Variants in FCHSD2 observed in about 807,000 individuals in gnomAD.
FCHSD2 encodes F-BAR and double SH3 domains protein 2.
A neutral mutation model predicts 108.1 loss-of-function variants in FCHSD2; 38 were observed. The ratio of observed to expected loss-of-function variants is 0.35; its 90% CI spans 0.27 to 0.46. The LOEUF (loss-of-function observed/expected upper bound fraction) is 0.46, where lower values mean the gene tolerates loss of function less well. FCHSD2 is among the 20% of genes least tolerant of loss of function. The pLI is 1.00. For synonymous variants in FCHSD2, 279 were observed against 314.7 expected, an observed-to-expected ratio of 0.89 and a Z score of 1.20; for missense variants, 751 against 897.8, an observed-to-expected ratio of 0.84 and a Z score of 2.09.
intron 8 of FCHSD2, among the ~76,000 whole-genome samples, chr11:72,960,425 T>G (rs940877518): frequency 6.6e-6 from 1 of 152,150 alleles, no homozygotes; most frequent in Non-Finnish European, 1.5e-5. Flanking sequence ...TCCTTTGGAT[T>G]TAAATGGATT....
chr11:72,969,913 AG>A (rs1856978224), intron 8 of FCHSD2, among the ~76,000 whole-genome samples: 1 of 152,216 alleles, frequency 6.6e-6, no homozygotes, highest in South Asian at 2.1e-4. Flanking sequence ...TTACAGGAAT[AG>A]GGGACTGGGC....
chr11:72,961,199 G>C (rs1856812498), intron 8 of FCHSD2, among the ~76,000 whole-genome samples: 1 of 151,950 alleles, frequency 6.6e-6, no homozygotes, highest in Non-Finnish European at 1.5e-5. Flanking sequence ...GGTGTTTCTA[G>C]GTCATTTTGA....
chr11:72,971,123 A>G (rs1355896529), intron 8 of FCHSD2, among the ~76,000 whole-genome samples: 5 of 152,224 alleles, frequency 3.3e-5, no homozygotes, highest in Non-Finnish European at 7.3e-5. Context: ...TAAGCCACTG[A>G]GCCTTACAGT....
intron 12 of FCHSD2, among the ~76,000 whole-genome samples, chr11:72,871,281 A>G (rs1186475081): frequency 1.3e-5 from 2 of 152,156 alleles, no homozygotes; most frequent in Admixed American, 6.5e-5. Context: ...CCCCTTAAAC[A>G]TTCCTAGTTT....
Position 72,902,514 on chromosome 11 carries a change from C to T in FCHSD2, c.924+29G>A, listed in dbSNP as rs757887648. 6 of 1,452,180 alleles carry T rather than the reference C, an allele frequency of 4.1e-6. No homozygotes were observed. The East Asian group carries it at 1.4e-4, about 35-fold the overall frequency. The allele number at this position is 1,452,180 out of a possible 1,614,324, so 90.0% of individuals were successfully genotyped here. A position where few individuals can be genotyped will look rare whatever the true frequency, so the allele number is the denominator to read the frequency against. ...TAAGCACAAACACAACTGAACAACACATGAAATGAAAATCTATAATTCCCT... is the reference window on the plus strand; with the variant it reads ...TAAGCACAAACACAACTGAACAACATATGAAATGAAAATCTATAATTCCCT... On this transcript the variant is annotated intron_variant, in intron 10 of 19. Coordinates refer to ENST00000409418, the MANE Select transcript of FCHSD2 (RefSeq NM_014824.3).
At chr11:72,968,157 TTCCAATTTTA>T (rs952721567) in intron 8 of FCHSD2, among the ~76,000 whole-genome samples, 3 of 151,940 alleles carry the variant, frequency 2.0e-5, no homozygotes, top group Admixed American at 2.0e-4. Context: ...TCTTGAGGTT[TTCCAATTTTA>T]TCCTAAGGGC....
intron 12 of FCHSD2, among the ~76,000 whole-genome samples, chr11:72,886,582 G>A (rs556183038): frequency 6.6e-6 from 1 of 152,214 alleles, no homozygotes; most frequent in East Asian, 1.9e-4. Context: ...TGGCTGGATG[G>A]TGTCAGTCTT....
chr11:73,029,324 C>A (rs1318271971), intron 3 of FCHSD2, among the ~76,000 whole-genome samples: 1 of 152,192 alleles, frequency 6.6e-6, no homozygotes, highest in Non-Finnish European at 1.5e-5. Context: ...ACCTAGACAA[C>A]AATCACACTG....
At chr11:72,887,617 T>C (rs773688939) in intron 11 of FCHSD2, 43 bp from the exon 12 acceptor site, 1 of 1,248,040 alleles carries the variant, frequency 8.0e-7, no homozygotes, top group Admixed American at 2.6e-5. Context: ...GTTTTTTACT[T>C]TTCATCTTCC....
At chr11:72,893,617 A>G (rs1426415787) in intron 10 of FCHSD2, among the ~76,000 whole-genome samples, 1 of 152,116 alleles carries the variant, frequency 6.6e-6, no homozygotes, top group Non-Finnish European at 1.5e-5. Context: ...GCCCAGCCCA[A>G]TATTTTTCCT....
chr11:72,948,671 CTT>C (rs11400132), intron 8 of FCHSD2, among the ~76,000 whole-genome samples: 2 of 146,102 alleles, frequency 1.4e-5, no homozygotes, highest in Non-Finnish European at 1.5e-5. Flanking sequence ...ATTTTCATTT[CTT>C]TTTTTTTTTT....
At chr11:72,955,462 G>A (rs1342292144) in intron 8 of FCHSD2, among the ~76,000 whole-genome samples, 1 of 152,088 alleles carries the variant, frequency 6.6e-6, no homozygotes, top group Non-Finnish European at 1.5e-5. Context: ...CATTTCATGG[G>A]CATAATTGGT....
At chr11:73,076,540 A>G (rs1446429937) in intron 3 of FCHSD2, among the ~76,000 whole-genome samples, 1 of 152,192 alleles carries the variant, frequency 6.6e-6, no homozygotes, top group Non-Finnish European at 1.5e-5. Flanking sequence ...TCAGGATAAA[A>G]GTAGAGACTG....
intron 9 of FCHSD2, among the ~76,000 whole-genome samples, chr11:72,918,246 A>C (rs900897365): frequency 1.3e-5 from 2 of 151,982 alleles, no homozygotes; most frequent in African/African-American, 4.8e-5. Flanking sequence ...TTTTTATCTT[A>C]TATGTTGCTA....
intron 2 of FCHSD2, among the ~76,000 whole-genome samples, chr11:73,126,604 T>C (rs544263128): frequency 6.6e-6 from 1 of 152,018 alleles, no homozygotes; most frequent in East Asian, 1.9e-4. Flanking sequence ...ATACGAACTT[T>C]TATAATATCT....
At chr11:73,131,957 T>C (rs1464478834) in intron 2 of FCHSD2, among the ~76,000 whole-genome samples, 1 of 152,228 alleles carries the variant, frequency 6.6e-6, no homozygotes, top group Non-Finnish European at 1.5e-5. Flanking sequence ...CTTCTCATTT[T>C]TTTGAATCAG....
intron 3 of FCHSD2, among the ~76,000 whole-genome samples, chr11:73,076,478 C>T (rs1244733775): frequency 6.6e-6 from 1 of 152,102 alleles, no homozygotes; most frequent in African/African-American, 2.4e-5. Context: ...TTGTATGATA[C>T]GTCCAGAAGA....
At chr11:72,943,325 C>T (rs2135345237) in intron 8 of FCHSD2, among the ~76,000 whole-genome samples, 1 of 152,264 alleles carries the variant, frequency 6.6e-6, no homozygotes, top group East Asian at 1.9e-4. Context: ...ACATTTAACA[C>T]TTACTTCAAC....
At chr11:73,057,835 A>G (rs754658543) in intron 3 of FCHSD2, among the ~76,000 whole-genome samples, 9 of 151,718 alleles carry the variant, frequency 5.9e-5, no homozygotes, top group Admixed American at 2.0e-4. Flanking sequence ...GGGATCTAAG[A>G]GGAGCCTGGG....
Sources: gnomAD v4.1 joint callset for allele counts (sites outside exome capture counted in the v4.1 genomes callset) on GRCh38, gnomAD v4.1.1 for gene constraint, MANE v1.5 for transcripts, NCBI Gene and HGNC (gene_info 2026-07-23, HGNC 2026-07-21) for gene names.